The following C10orf90 variants were observed in gnomAD, a reference collection of about 807,000 sequenced individuals.
C10orf90 encodes the protein (E2-independent) E3 ubiquitin-conjugating enzyme FATS.
A neutral mutation model predicts 62.5 loss-of-function variants in C10orf90; 56 were observed. That is an observed-to-expected ratio of 0.90 (90% CI 0.72 to 1.12). C10orf90 has a LOEUF of 1.12. Among genes scored for constraint, C10orf90 ranks in the 50% most tolerant of loss-of-function variants. C10orf90 has a pLI of 0.00. For synonymous variants in C10orf90, 386 were observed against 340.4 expected (o/e 1.13, Z -1.47); for missense variants, 970 against 880.4 (o/e 1.10, Z -1.29).
chr10:126,483,142 A>G (rs888272114), intron 4 of C10orf90, among the ~76,000 whole-genome samples: 1 of 152,260 alleles, frequency 6.6e-6, no homozygotes, highest in Non-Finnish European at 1.5e-5. Context: ...ACAGCTCACC[A>G]GGTTGATAGC....
chr10:126,636,786 TA>T (rs1035484822), intron 2 of C10orf90, among the ~76,000 whole-genome samples: 2 of 151,940 alleles, frequency 1.3e-5, no homozygotes, highest in Non-Finnish European at 2.9e-5. Flanking sequence ...CAAAAGCCAC[TA>T]AAAAAAATAA....
chr10:126,470,235 G>T (rs1193783630), intron 4 of C10orf90: 2 of 372,348 alleles, frequency 5.4e-6, no homozygotes, highest in East Asian at 7.3e-5. Flanking sequence ...TCTGCATGAT[G>T]CATGCTAATC....
intron 2 of C10orf90, among the ~76,000 whole-genome samples, chr10:126,514,600 G>C (rs895338796): frequency 6.6e-6 from 1 of 152,164 alleles, no homozygotes; most frequent in African/African-American, 2.4e-5. Context: ...AATAACAGTG[G>C]ATATATCTAT....
intron 2 of C10orf90, among the ~76,000 whole-genome samples, chr10:126,554,662 C>T (rs1864718972): frequency 6.6e-6 from 1 of 152,202 alleles, no homozygotes; most frequent in African/African-American, 2.4e-5. Flanking sequence ...TCTTCAACTC[C>T]ATTCCCTGCT....
chr10:126,488,764 GAC>G (rs1861565877), intron 4 of C10orf90, among the ~76,000 whole-genome samples: 1 of 152,086 alleles, frequency 6.6e-6, no homozygotes, highest in Non-Finnish European at 1.5e-5. Flanking sequence ...TCCCTTGAAA[GAC>G]ACAGAAGATT....
At chr10:126,544,575 CAGAATTTGTGACA>C (rs1564865244) in intron 2 of C10orf90, among the ~76,000 whole-genome samples, 1 of 151,204 alleles carries the variant, frequency 6.6e-6, no homozygotes, top group African/African-American at 2.4e-5. Flanking sequence ...CGAAAGTTAA[CAGAATTTGTGACA>C]TTTGGCATTT....
At chr10:126,601,473 T>A (rs1212422754) in intron 2 of C10orf90, among the ~76,000 whole-genome samples, 1 of 152,204 alleles carries the variant, frequency 6.6e-6, no homozygotes, top group Non-Finnish European at 1.5e-5. Context: ...ACATTTATTT[T>A]TTTAAAAAGG....
At chr10:126,583,008 G>T (rs1186398343) in intron 2 of C10orf90, among the ~76,000 whole-genome samples, 3 of 152,120 alleles carry the variant, frequency 2.0e-5, no homozygotes, top group African/African-American at 7.2e-5. Context: ...TTAGTTGTTG[G>T]GGGGTGGCTG....
chr10:126,475,886 A>G (rs890628304), intron 4 of C10orf90, among the ~76,000 whole-genome samples: 4 of 152,118 alleles, frequency 2.6e-5, no homozygotes, highest in Admixed American at 6.5e-5. Context: ...CCCCTTTCTA[A>G]TATGTTTTTT....
At chr10:126,649,042 C>G (rs1020311264) in intron 1 of C10orf90, among the ~76,000 whole-genome samples, 2 of 45,380 alleles carry the variant, frequency 4.4e-5, no homozygotes, top group African/African-American at 2.1e-4. Context: ...CTGTCTCTCT[C>G]TCTCTCTCTC....
At chr10:126,508,824 A>G (rs1026471685) in intron 3 of C10orf90, among the ~76,000 whole-genome samples, 16 of 152,104 alleles carry the variant, frequency 1.1e-4, no homozygotes, top group African/African-American at 2.9e-4. Context: ...TCAAGAGAGT[A>G]CCTACTCTTC....
intron 4 of C10orf90, among the ~76,000 whole-genome samples, chr10:126,494,019 G>A (rs1013943065): frequency 2.0e-5 from 3 of 152,176 alleles, no homozygotes; most frequent in Admixed American, 6.5e-5. Context: ...AGTGGTCCAC[G>A]TGCTCTTACA....
intron 7 of C10orf90, among the ~76,000 whole-genome samples, chr10:126,439,473 G>A (rs944531015): frequency 6.6e-6 from 1 of 152,088 alleles, no homozygotes. Context: ...TGACCCCAAA[G>A]AAATAGGACT....
chr10:126,629,285 G>T (rs1264597486), intron 2 of C10orf90, among the ~76,000 whole-genome samples: 1 of 152,180 alleles, frequency 6.6e-6, no homozygotes, highest in East Asian at 1.9e-4. Flanking sequence ...TTTGGCGAGA[G>T]AACTAGAAGC....
At chr10:126,653,740 T>G (rs1342677028) in intron 1 of C10orf90, among the ~76,000 whole-genome samples, 1 of 151,536 alleles carries the variant, frequency 6.6e-6, no homozygotes, top group African/African-American at 2.5e-5. Flanking sequence ...GGTTATCAGT[T>G]TGCTTTGCTC....
chr10:126,484,046 C>T (rs1391449026), intron 4 of C10orf90, among the ~76,000 whole-genome samples: 1 of 152,136 alleles, frequency 6.6e-6, no homozygotes, highest in Non-Finnish European at 1.5e-5. Flanking sequence ...AATGTCATTG[C>T]TGGTAGACCT....
chr10:126,598,318 G>A (rs1159403555), intron 2 of C10orf90, among the ~76,000 whole-genome samples: 1 of 152,160 alleles, frequency 6.6e-6, no homozygotes, highest in Non-Finnish European at 1.5e-5. Flanking sequence ...TAAGCAATGT[G>A]TTACAAACTC....
At chr10:126,488,940 A>G (rs1468516514) in intron 4 of C10orf90, among the ~76,000 whole-genome samples, 1 of 152,110 alleles carries the variant, frequency 6.6e-6, no homozygotes, top group East Asian at 1.9e-4. Flanking sequence ...TTCATGGGTG[A>G]TTTCTACCAA....
At chr10:126,483,185 C>G (rs1414604968) in intron 4 of C10orf90, among the ~76,000 whole-genome samples, 1 of 152,236 alleles carries the variant, frequency 6.6e-6, no homozygotes, top group Admixed American at 6.5e-5. Flanking sequence ...CAGGCAGGAA[C>G]AGAAAAGGAC....
Sources: allele counts gnomAD v4.1 joint callset (sites outside exome capture counted in the v4.1 genomes callset), GRCh38; gene constraint gnomAD v4.1.1; transcripts MANE v1.5; gene names NCBI Gene and HGNC (gene_info 2026-07-23, HGNC 2026-07-21).